Variants in CNTN3 observed in about 807,000 individuals in gnomAD.
CNTN3 encodes the protein contactin-3.
Under a neutral mutation model 119.1 loss-of-function variants are expected in CNTN3, and 60 were observed. The observed-to-expected ratio is 0.50, with a 90% CI of 0.41 to 0.62. CNTN3 has a LOEUF of 0.62. Ranked by LOEUF, CNTN3 falls within the 20% of genes least tolerant of loss-of-function variation. The pLI is 0.00. For synonymous variants in CNTN3, 450 were observed against 438.7 expected (o/e 1.03, Z -0.32); for missense variants, 1,101 against 1,242.4 (o/e 0.89, Z 1.71).
In CNTN3 at chr3:74,485,114, T is replaced by C. The variant is rs1702828982; in HGVS notation, c.358+1342A>G. Among the ~76,000 whole-genome samples the C allele has an allele frequency of 3.3e-5, 5 of 152,032 alleles. No homozygotes were observed. In the South Asian group the frequency reaches 1.0e-3, roughly 32 times the overall value. On this transcript the variant is annotated intron_variant, in intron 4 of 22. Coordinates refer to ENST00000263665, the MANE Select transcript of CNTN3 (RefSeq NM_020872.3). ...AATTATCTATGAGAAGACTATTACA[T>C]ATATATTTATACATATCCAAACATA...
At position 74,302,779 on chromosome 3, in the gene CNTN3, T is replaced by C. The variant is rs1702484946; in HGVS notation, c.1697A>G (p.Asn566Ser). The C allele has an allele frequency of 6.2e-7, 1 of 1,612,454 alleles. No homozygotes were observed. Among genetic ancestry groups the C allele is most frequent in the Non-Finnish European group, 8.5e-7 (1 of 1,178,826 alleles). Residue 566 changes from asparagine to serine, a missense_variant, in exon 14 of 23, where the codon AAC (asparagine) becomes AGC (serine). Asn to Ser is a conservative substitution (Grantham distance 46). Coordinates refer to ENST00000263665, the MANE Select transcript of CNTN3 (RefSeq NM_020872.3). ...GSSSGDLMIR[N>S]IQLKHSGKYV... Reference sequence around the variant, plus strand: ...TTTCCCACTGTGTTTCAGCTGAATGTTTCTGATCATTAAATCACCAGATGA... The same window carrying C: ...TTTCCCACTGTGTTTCAGCTGAATGCTTCTGATCATTAAATCACCAGATGA...
At chr3:74,392,957 AT>A (rs35530515) in intron 5 of CNTN3, among the ~76,000 whole-genome samples, 91,236 of 151,792 alleles carry the variant, frequency 0.6, 28,116 homozygotes, top group African/African-American at 0.72. Context: ...TGGTTTGGGT[AT>A]TTTTTTTCAT....
At chr3:74,299,723 A>G (rs957084928) in intron 17 of CNTN3, 145 bp downstream of exon 17, 3 of 555,424 alleles carry the variant, frequency 5.4e-6, no homozygotes, top group African/African-American at 3.8e-5. Flanking sequence ...CACCACCTAT[A>G]TTACCACCAG....
chr3:74,514,778 T>A (rs1356340507), intron 2 of CNTN3, among the ~76,000 whole-genome samples: 2 of 152,088 alleles, frequency 1.3e-5, no homozygotes, highest in African/African-American at 4.8e-5. Flanking sequence ...CTATGCATTG[T>A]CTCAGACTTA....
At chr3:74,579,933 T>C (rs867618095) in intron 1 of CNTN3, among the ~76,000 whole-genome samples, 5 of 152,086 alleles carry the variant, frequency 3.3e-5, no homozygotes, top group African/African-American at 1.2e-4. Context: ...AAATCAACAA[T>C]GTAAAATACT....
At chr3:74,288,071 T>C (rs1420789084) in intron 19 of CNTN3, among the ~76,000 whole-genome samples, 3 of 152,172 alleles carry the variant, frequency 2.0e-5, no homozygotes, top group Non-Finnish European at 4.4e-5. Context: ...TTAGACCTAA[T>C]GCATAAGTCT....
chr3:74,463,100 A>G (rs1348302690), intron 4 of CNTN3, among the ~76,000 whole-genome samples: 7 of 152,138 alleles, frequency 4.6e-5, no homozygotes, highest in African/African-American at 1.7e-4. Flanking sequence ...AATTTAAATA[A>G]CACAACATCA....
chr3:74,304,156 G>A (rs1395260046), intron 13 of CNTN3, among the ~76,000 whole-genome samples: 1 of 152,120 alleles, frequency 6.6e-6, no homozygotes, highest in Non-Finnish European at 1.5e-5. Flanking sequence ...TCTGTTAGTT[G>A]TATTGCATAG....
Position 74,285,374 on chromosome 3 carries a change from C to T in CNTN3, c.2635G>A (p.Val879Ile). The T allele has an allele frequency of 1.2e-6, 2 of 1,613,732 alleles. No individual in the cohort carries two copies. The highest frequency in any genetic ancestry group is 1.7e-6 in the Non-Finnish European group (2 of 1,179,824). Reference protein sequence around the residue: ...LKSNLAYYTAVRAYNSAGAGP... With the variant: ...LKSNLAYYTAIRAYNSAGAGP... ...GCGCCGGCACTGTTGTAAGCCCGGA[C>T]AGCCGTGTAATAGGCCAGGTTGCTC... is the stretch of plus-strand genomic sequence containing the variant. Residue 879 changes from valine (V) to isoleucine (I), a missense_variant, in exon 20 of 23, where the codon GTC becomes ATC. By Grantham distance (29) the Val-to-Ile change is conservative. Coordinates refer to ENST00000263665, the MANE Select transcript of CNTN3 (RefSeq NM_020872.3).
intron 5 of CNTN3, among the ~76,000 whole-genome samples, chr3:74,379,697 C>T (rs1211357832): frequency 1.3e-5 from 2 of 152,146 alleles, no homozygotes; most frequent in Admixed American, 6.6e-5. Flanking sequence ...GACTACCCTT[C>T]ACTCCTTGCT....
At chr3:74,502,384 G>A (rs1703181756) in intron 2 of CNTN3, among the ~76,000 whole-genome samples, 1 of 152,084 alleles carries the variant, frequency 6.6e-6, no homozygotes, top group African/African-American at 2.4e-5. Flanking sequence ...TGTCCCAAAC[G>A]ATGCTACATG....
intron 6 of CNTN3, 77 bp downstream of exon 6, chr3:74,371,119 T>C (rs997145937): frequency 3.9e-6 from 4 of 1,022,286 alleles, no homozygotes; most frequent in Non-Finnish European, 4.5e-6. Context: ...ATGTACTTTT[T>C]ACATTTTCCC....
chr3:74,321,896 T>C (rs574414722), intron 13 of CNTN3, among the ~76,000 whole-genome samples: 1 of 152,198 alleles, frequency 6.6e-6, no homozygotes, highest in East Asian at 1.9e-4. Context: ...GAATCAATGA[T>C]TAATAATTTT....
intron 1 of CNTN3, among the ~76,000 whole-genome samples, chr3:74,603,146 C>T (rs1315310997): frequency 2.0e-5 from 3 of 152,134 alleles, no homozygotes; most frequent in Non-Finnish European, 4.4e-5. Flanking sequence ...ATTACATGCA[C>T]AGAGTTGTCC....
chr3:74,607,627 G>A (rs1367785926), intron 1 of CNTN3, among the ~76,000 whole-genome samples: 1 of 152,070 alleles, frequency 6.6e-6, no homozygotes, highest in East Asian at 1.9e-4. Context: ...CCACCCAAAT[G>A]TTATATCCTG....
intron 11 of CNTN3, among the ~76,000 whole-genome samples, chr3:74,351,377 A>C (rs560237942): frequency 2.6e-5 from 4 of 152,268 alleles, no homozygotes; most frequent in African/African-American, 9.6e-5. Context: ...GTGCCACACA[A>C]ATGCCACCCA....
intron 4 of CNTN3, among the ~76,000 whole-genome samples, chr3:74,452,079 G>A (rs773756530): frequency 0.037 from 5,417 of 146,882 alleles, 349 homozygotes; most frequent in African/African-American, 0.13. Context: ...GATGGGGATG[G>A]CATTGAATCT....
chr3:74,539,031 T>C (rs1703803805), intron 1 of CNTN3, among the ~76,000 whole-genome samples: 1 of 152,130 alleles, frequency 6.6e-6, no homozygotes, highest in African/African-American at 2.4e-5. Context: ...AAAAGGACCA[T>C]CTAAATGGTC....
At chr3:74,301,310 AC>A in intron 16 of CNTN3, 87 bp downstream of exon 16, 5 of 1,324,626 alleles carry the variant, frequency 3.8e-6, no homozygotes, top group East Asian at 2.3e-5. Context: ...ATTGAGGCTG[AC>A]CCCCTGCTGG....
Sources: gnomAD v4.1 joint callset for allele counts (sites outside exome capture counted in the v4.1 genomes callset) on GRCh38, gnomAD v4.1.1 for gene constraint, MANE v1.5 for transcripts, NCBI Gene and HGNC (gene_info 2026-07-23, HGNC 2026-07-21) for gene names.